Variants in PPA2 observed in about 807,000 individuals in gnomAD.
PPA2 encodes the protein inorganic pyrophosphatase 2.
PPA2 carries 48 observed loss-of-function variants against 49.5 expected under a neutral mutation model. The ratio of observed to expected loss-of-function variants is 0.97; its 90% CI spans 0.77 to 1.23. The LOEUF is 1.23. PPA2 is among the 50% of genes most tolerant of loss of function. The pLI, the probability that PPA2 is intolerant of heterozygous loss-of-function variation, is 0.00. For missense variants in PPA2, 429 were observed against 410.1 expected (o/e 1.05, Z -0.40); for synonymous variants, 131 against 139.9 (o/e 0.94, Z 0.45).
At chr4:105,472,155 CA>C (rs1490982113) in intron 1 of PPA2, among the ~76,000 whole-genome samples, 1 of 152,188 alleles carries the variant, frequency 6.6e-6, no homozygotes, top group African/African-American at 2.4e-5. Context: ...GTTTCAAGGT[CA>C]AAAGCTTCAT....
At chr4:105,413,784 G>A (rs1180827774) in intron 7 of PPA2, among the ~76,000 whole-genome samples, 1 of 152,068 alleles carries the variant, frequency 6.6e-6, no homozygotes, top group Admixed American at 6.6e-5. Context: ...TAAAATACAA[G>A]AGTGAAAAGA....
At chr4:105,466,388 G>A (rs1351925384) in intron 1 of PPA2, among the ~76,000 whole-genome samples, 2 of 151,744 alleles carry the variant, frequency 1.3e-5, no homozygotes, top group Admixed American at 1.3e-4. Flanking sequence ...TAGTTGGGGT[G>A]CAGAAGCAAT....
intron 1 of PPA2, among the ~76,000 whole-genome samples, chr4:105,459,812 C>T (rs1269753006): frequency 1.3e-5 from 2 of 152,188 alleles, no homozygotes; most frequent in Non-Finnish European, 2.9e-5. Context: ...GCGAAAGAAG[C>T]TCAACTCAGT....
chr4:105,400,369 G>C (rs903455558), intron 7 of PPA2, among the ~76,000 whole-genome samples: 3 of 152,124 alleles, frequency 2.0e-5, no homozygotes, highest in Non-Finnish European at 4.4e-5. Flanking sequence ...TTCTAGGCCA[G>C]GTGTGGTGGC....
At chr4:105,418,773 G>T (rs999700906) in intron 7 of PPA2, among the ~76,000 whole-genome samples, 1 of 152,168 alleles carries the variant, frequency 6.6e-6, no homozygotes, top group African/African-American at 2.4e-5. Context: ...AGTTGAAATA[G>T]CATCTAGGCC....
intron 1 of PPA2, among the ~76,000 whole-genome samples, chr4:105,466,572 CAGA>C (rs889255413): frequency 2.6e-5 from 4 of 152,152 alleles, no homozygotes; most frequent in South Asian, 2.1e-4. Context: ...GGGCAGAAGG[CAGA>C]AGGAGAGGCT....
intron 7 of PPA2, among the ~76,000 whole-genome samples, chr4:105,419,845 G>A (rs1723174926): frequency 6.6e-6 from 1 of 151,842 alleles, no homozygotes; most frequent in Non-Finnish European, 1.5e-5. Context: ...TATGAATAGA[G>A]TAAAAAGAAA....
At chr4:105,401,315 T>C (rs1462445394) in intron 7 of PPA2, among the ~76,000 whole-genome samples, 2 of 152,176 alleles carry the variant, frequency 1.3e-5, no homozygotes, top group African/African-American at 2.4e-5. Context: ...ATTATATAAA[T>C]ACAAGACTTC....
At chr4:105,429,933 G>T (rs1290886324) in intron 6 of PPA2, among the ~76,000 whole-genome samples, 1 of 152,194 alleles carries the variant, frequency 6.6e-6, no homozygotes, top group Non-Finnish European at 1.5e-5. Context: ...GAAATAGCGT[G>T]ACTTAAGCAG....
chr4:105,379,630 A>ATTT (rs70964652), intron 10 of PPA2, among the ~76,000 whole-genome samples: 13,645 of 127,172 alleles, frequency 0.11, 809 homozygotes, highest in Non-Finnish European at 0.14. Context: ...CGCCTGGCTA[A>ATTT]TTTTTTTTTT....
intron 6 of PPA2, among the ~76,000 whole-genome samples, chr4:105,425,009 G>A (rs889790313): frequency 6.6e-6 from 1 of 152,098 alleles, no homozygotes; most frequent in South Asian, 2.1e-4. Context: ...GCCTATAATA[G>A]GCATGCATTA....
intron 7 of PPA2, among the ~76,000 whole-genome samples, chr4:105,403,116 A>G (rs1014819959): frequency 7.9e-5 from 12 of 151,890 alleles, no homozygotes; most frequent in Admixed American, 3.3e-4. Flanking sequence ...CTTGACTTCC[A>G]GGGCTCAATC....
At chr4:105,399,312 A>T (rs767616274) in intron 7 of PPA2, 148 bp from the exon 8 acceptor site, 31 of 660,490 alleles carry the variant, frequency 4.7e-5, no homozygotes, top group Non-Finnish European at 7.8e-5. Context: ...CAGCATCATC[A>T]TTGATATGTA....
At position 105,446,419 on chromosome 4, in the gene PPA2, G is replaced by T. The variant is rs1722387474; in HGVS notation, c.405C>A (p.Tyr135Ter). The T allele has an allele frequency of 6.2e-7, 1 of 1,605,214 alleles. No homozygotes were observed. Among genetic ancestry groups the T allele is most frequent in the Non-Finnish European group, 8.5e-7 (1 of 1,176,314 alleles). Reference sequence around the variant, plus strand: ...TACCATAATTCCATATATAACCCTTGTAAGGGAAGATATTCGCCACATAGC... The same window carrying T: ...TACCATAATTCCATATATAACCCTTTTAAGGGAAGATATTCGCCACATAGC... ...KLRYVANIFP[Y>*]KGYIWNYGTL... The change falls in exon 5 of 12, where the codon TAC (tyrosine) becomes TAA (stop). Residue 135 changes from tyrosine (Y) to a stop codon, truncating the protein, a stop_gained. Transcript: ENST00000341695. LOFTEE classifies it high-confidence loss of function.
At position 105,369,756 on chromosome 4, in the gene PPA2, G is replaced by T; in HGVS notation, c.977-3C>A. On this transcript the variant is annotated splice_region_variant and splice_polypyrimidine_tract_variant and intron_variant, in intron 11 of 11. Coordinates refer to ENST00000341695, the MANE Select transcript of PPA2 (RefSeq NM_176869.3). ...GCCAAGGAAGTGCCACACTTGCTCT[G>T]CATTTAAAATGGGGAAAGAGGGTAT... The T allele has an allele frequency of 1.3e-6, 2 of 1,586,464 alleles. No individual in the cohort carries two copies. The highest frequency in any genetic ancestry group is 1.1e-5 in the South Asian group (1 of 90,476).
chr4:105,391,539 T>TAA (rs35459147), intron 9 of PPA2, among the ~76,000 whole-genome samples: 33 of 150,990 alleles, frequency 2.2e-4, no homozygotes, highest in Non-Finnish European at 4.4e-4. Context: ...TACAAAGTAT[T>TAA]AAAAAAAAAT....
intron 7 of PPA2, 64 bp from the exon 8 acceptor site, chr4:105,399,228 A>G: frequency 6.7e-7 from 1 of 1,498,968 alleles, no homozygotes; most frequent in East Asian, 2.3e-5. Context: ...TTAGTGGCAG[A>G]GCATTGGACT....
intron 7 of PPA2, among the ~76,000 whole-genome samples, chr4:105,419,109 C>T (rs1723134373): frequency 6.6e-6 from 1 of 151,908 alleles, no homozygotes; most frequent in Admixed American, 6.6e-5. Context: ...AACCTAATTA[C>T]AGGGCATAAA....
chr4:105,425,415 T>A (rs139096617), intron 6 of PPA2, among the ~76,000 whole-genome samples: 7 of 152,040 alleles, frequency 4.6e-5, no homozygotes. Flanking sequence ...AAGACATATA[T>A]AATCTGAAAA....
Sources: allele counts gnomAD v4.1 joint callset (sites outside exome capture counted in the v4.1 genomes callset), GRCh38; gene constraint gnomAD v4.1.1; transcripts MANE v1.5; gene names NCBI Gene and HGNC (gene_info 2026-07-23, HGNC 2026-07-21).